The following CELF2 variants were observed in gnomAD, a reference collection of about 807,000 sequenced individuals.
CELF2 encodes CUG triplet repeat RNA-binding protein 2.
Under a neutral mutation model 62.6 loss-of-function variants are expected in CELF2, and 8 were observed. The ratio of observed to expected loss-of-function variants is 0.13; its 90% CI spans 0.07 to 0.23. The LOEUF is 0.23. Among genes scored for constraint, CELF2 ranks in the 10% least tolerant of loss-of-function variants. CELF2 has a pLI of 1.00. For synonymous variants in CELF2, 258 were observed against 250.0 expected (o/e 1.03, Z -0.30); for missense variants, 333 against 671.0 (o/e 0.50, Z 5.56).
intron 9 of CELF2, among the ~76,000 whole-genome samples, chr10:11,293,287 A>G (rs1018184740): frequency 6.6e-6 from 1 of 152,252 alleles, no homozygotes; most frequent in Admixed American, 6.5e-5. Context: ...AGCGTTTCTA[A>G]TGCACATTAT....
chr10:10,473,237 C>T, the CELF2 span, among the ~76,000 whole-genome samples: 1 of 151,918 alleles, frequency 6.6e-6, no homozygotes, highest in African/African-American at 2.4e-5. Flanking sequence ...AAGACAGAGA[C>T]AGGGAGATGC....
chr10:10,735,084 G>T, the CELF2 span, among the ~76,000 whole-genome samples: 2 of 152,076 alleles, frequency 1.3e-5, no homozygotes, highest in Admixed American at 6.6e-5. Flanking sequence ...TATAAAATAG[G>T]GTTACTTGAA....
the CELF2 span, among the ~76,000 whole-genome samples, chr10:10,758,822 C>G: frequency 1.3e-5 from 2 of 152,156 alleles, no homozygotes; most frequent in Admixed American, 6.5e-5. Context: ...AAACAAATGC[C>G]TTTCTTTTTT....
At chr10:10,822,663 T>C (rs1029869521) in intron 1 of CELF2, among the ~76,000 whole-genome samples, 1 of 152,230 alleles carries the variant, frequency 6.6e-6, no homozygotes, top group African/African-American at 2.4e-5. Context: ...GATTTACTGT[T>C]TCACTGTTTT....
intron 2 of CELF2, among the ~76,000 whole-genome samples, chr10:10,982,906 G>GTT (rs60869262): frequency 1.4e-5 from 2 of 141,492 alleles, no homozygotes; most frequent in African/African-American, 5.3e-5. Flanking sequence ...TCTGGTGTGT[G>GTT]TTTTTTTTTT....
At chr10:10,851,327 T>A (rs2059370017) in intron 1 of CELF2, among the ~76,000 whole-genome samples, 1 of 152,212 alleles carries the variant, frequency 6.6e-6, no homozygotes, top group Non-Finnish European at 1.5e-5. Context: ...TCAGAGCAGC[T>A]TTTTGGTACT....
chr10:11,141,678 A>G (rs1212620004), intron 1 of CELF2, among the ~76,000 whole-genome samples: 1 of 152,236 alleles, frequency 6.6e-6, no homozygotes, highest in African/African-American at 2.4e-5. Context: ...AGACTAATCA[A>G]TCATTGCATG....
At chr10:10,568,188 A>T in the CELF2 span, among the ~76,000 whole-genome samples, 1 of 152,174 alleles carries the variant, frequency 6.6e-6, no homozygotes, top group East Asian at 1.9e-4. Flanking sequence ...GAGAGCAAAC[A>T]ATCCATTTGA....
chr10:10,513,780 A>G, the CELF2 span, among the ~76,000 whole-genome samples: 4 of 152,264 alleles, frequency 2.6e-5, no homozygotes, highest in Non-Finnish European at 5.9e-5. Flanking sequence ...CACATTCTGC[A>G]TTAGACCCAT....
chr10:10,686,801 G>C, the CELF2 span, among the ~76,000 whole-genome samples: 1 of 152,098 alleles, frequency 6.6e-6, no homozygotes, highest in African/African-American at 2.4e-5. Context: ...TGTCTTCATA[G>C]CAGCATGGAA....
chr10:10,601,894 C>G, the CELF2 span, among the ~76,000 whole-genome samples: 1 of 151,992 alleles, frequency 6.6e-6, no homozygotes, highest in Non-Finnish European at 1.5e-5. Flanking sequence ...CTCCCCAAAC[C>G]CCACCCCTCA....
the CELF2 span, among the ~76,000 whole-genome samples, chr10:10,628,484 G>A: frequency 2.0e-5 from 3 of 152,030 alleles, no homozygotes; most frequent in Non-Finnish European, 4.4e-5. Context: ...CTCCACTTGG[G>A]GGATGAGTGA....
intron 2 of CELF2, among the ~76,000 whole-genome samples, chr10:10,954,918 G>T (rs189432274): frequency 6.6e-6 from 1 of 152,298 alleles, no homozygotes; most frequent in African/African-American, 2.4e-5. Flanking sequence ...ATATGCTCAT[G>T]CATTTATCGT....
intron 2 of CELF2, among the ~76,000 whole-genome samples, chr10:11,182,257 C>T (rs1054669875): frequency 3.9e-5 from 6 of 152,158 alleles, no homozygotes; most frequent in South Asian, 2.1e-4. Flanking sequence ...AACCGGGGAG[C>T]GGGGCAGCAA....
chr10:10,882,646 C>T (rs17149034), intron 1 of CELF2, among the ~76,000 whole-genome samples: 45,012 of 152,006 alleles, frequency 0.3, 7,678 homozygotes, highest in East Asian at 0.68. Flanking sequence ...ACCTCTCTAG[C>T]GTGTTAAGAG....
At chr10:10,868,459 G>T (rs1383364103) in intron 1 of CELF2, among the ~76,000 whole-genome samples, 1 of 152,228 alleles carries the variant, frequency 6.6e-6, no homozygotes, top group Admixed American at 6.5e-5. Context: ...TTAAAGATTT[G>T]TGCCAAGAAA....
chr10:10,564,491 C>T, the CELF2 span, among the ~76,000 whole-genome samples: 1 of 151,982 alleles, frequency 6.6e-6, no homozygotes, highest in Non-Finnish European at 1.5e-5. Flanking sequence ...TACAGCAAAT[C>T]GCTGGAATTA....
intron 1 of CELF2, among the ~76,000 whole-genome samples, chr10:11,085,141 G>A (rs559246408): frequency 6.6e-6 from 1 of 152,270 alleles, no homozygotes; most frequent in South Asian, 2.1e-4. Flanking sequence ...TCATCATGCT[G>A]TTCTTCCCCC....
the CELF2 span, among the ~76,000 whole-genome samples, chr10:10,674,543 T>C: frequency 6.6e-6 from 1 of 152,228 alleles, no homozygotes; most frequent in Admixed American, 6.5e-5. Flanking sequence ...ATTGGATTGC[T>C]GTCTACCATA....
Sources: gnomAD v4.1 joint callset for allele counts (sites outside exome capture counted in the v4.1 genomes callset) on GRCh38, gnomAD v4.1.1 for gene constraint, MANE v1.5 for transcripts, NCBI Gene and HGNC (gene_info 2026-07-23, HGNC 2026-07-21) for gene names.